The following PTPRO variants were observed in gnomAD, a reference collection of about 807,000 sequenced individuals.
The protein encoded by PTPRO is receptor-type tyrosine-protein phosphatase O.
In PTPRO, 62 loss-of-function variants were observed where a neutral mutation model predicts 145.2. The observed-to-expected ratio is 0.43, with a 90% CI of 0.35 to 0.53. The LOEUF is 0.53. PTPRO is among the 20% of genes least tolerant of loss of function. The probability of loss-of-function intolerance (pLI) is 0.01; values close to 1 mark genes in which losing one functional copy is unlikely to be tolerated. For synonymous variants in PTPRO, 565 were observed against 514.7 expected, an observed-to-expected ratio of 1.10 and a Z score of -1.32; for missense variants, 1,345 against 1,482.7, an observed-to-expected ratio of 0.91 and a Z score of 1.53.
At chr12:15,371,243 T>C (rs1412303035) in intron 1 of PTPRO, among the ~76,000 whole-genome samples, 1 of 152,020 alleles carries the variant, frequency 6.6e-6, no homozygotes, top group Non-Finnish European at 1.5e-5. Flanking sequence ...CACTATTTTT[T>C]TTTTTTTTAG....
intron 1 of PTPRO, among the ~76,000 whole-genome samples, chr12:15,342,109 T>C (rs951478432): frequency 6.6e-6 from 1 of 152,240 alleles, no homozygotes; most frequent in Non-Finnish European, 1.5e-5. Context: ...AAGCCTTTAA[T>C]TAACACGGTA....
intron 1 of PTPRO, among the ~76,000 whole-genome samples, chr12:15,478,836 T>C (rs1941715683): frequency 2.6e-5 from 4 of 151,900 alleles, no homozygotes; most frequent in Admixed American, 2.6e-4. Context: ...CACGCCCGGG[T>C]AATTTTTTGT....
At chr12:15,420,613 T>C (rs573516815) in intron 1 of PTPRO, among the ~76,000 whole-genome samples, 4 of 150,170 alleles carry the variant, frequency 2.7e-5, no homozygotes, top group African/African-American at 2.5e-5. Context: ...AAATACTATA[T>C]GTAAATTATT....
At chr12:15,433,350 T>C (rs1359538799) in intron 1 of PTPRO, among the ~76,000 whole-genome samples, 2 of 152,006 alleles carry the variant, frequency 1.3e-5, no homozygotes, top group African/African-American at 2.4e-5. Flanking sequence ...TAACTTTTTG[T>C]ATTTGTATTT....
At chr12:15,477,863 T>C (rs551431962) in intron 1 of PTPRO, among the ~76,000 whole-genome samples, 28 of 152,292 alleles carry the variant, frequency 1.8e-4, no homozygotes, top group Admixed American at 8.5e-4. Context: ...GCCTGGAACC[T>C]CTGGGTGCAT....
chr12:15,572,962 T>C (rs1944092793), intron 19 of PTPRO, among the ~76,000 whole-genome samples: 1 of 152,210 alleles, frequency 6.6e-6, no homozygotes, highest in African/African-American at 2.4e-5. Flanking sequence ...TAGAGAATTG[T>C]CCTAGGCCGA....
At chr12:15,468,480 A>C (rs1941466872) in intron 1 of PTPRO, among the ~76,000 whole-genome samples, 1 of 152,062 alleles carries the variant, frequency 6.6e-6, no homozygotes. Flanking sequence ...CTTCACATTC[A>C]CTGTCCTTAG....
Position 15,549,121 on chromosome 12 carries a change from G to A in PTPRO, c.2332G>A (p.Val778Met), listed in dbSNP as rs754077483. The A allele has an allele frequency of 9.3e-6, 15 of 1,613,200 alleles. No individual in the cohort carries two copies. Among genetic ancestry groups the A allele is most frequent in the South Asian group, 4.4e-5 (4 of 91,022 alleles). Residue 778 changes from valine to methionine, a missense_variant, in exon 14 of 27, where the codon GTG (valine) becomes ATG (methionine). By Grantham distance (21) the Val-to-Met change is conservative. Coordinates refer to ENST00000281171, the MANE Select transcript of PTPRO (RefSeq NM_030667.3). ...QEPVAVSSHV[V>M]TISSLLPATA... ...ACCAGTTGCTGTTTCTTCCCATGTC[G>A]TGACCATCTCCAGCCTTCTTCCTGC...
chr12:15,495,526 T>C (rs999117536), intron 2 of PTPRO, among the ~76,000 whole-genome samples: 19 of 151,954 alleles, frequency 1.3e-4, no homozygotes, highest in Non-Finnish European at 2.2e-4. Flanking sequence ...TGTCCAAGAA[T>C]TCTCTCAATT....
intron 3 of PTPRO, 111 bp from the exon 4 acceptor site, chr12:15,499,331 T>C (rs1170923852): frequency 1.8e-6 from 2 of 1,119,688 alleles, no homozygotes; most frequent in African/African-American, 3.1e-5. Flanking sequence ...ATAACAGTAG[T>C]TGAAGGAAAT....
intron 2 of PTPRO, among the ~76,000 whole-genome samples, chr12:15,484,753 C>T (rs1941852034): frequency 1.3e-5 from 2 of 152,028 alleles, no homozygotes; most frequent in Non-Finnish European, 2.9e-5. Context: ...TTGCCTTCTA[C>T]TTCTTAAGAA....
chr12:15,408,562 G>A (rs898162246), intron 1 of PTPRO, among the ~76,000 whole-genome samples: 5 of 151,934 alleles, frequency 3.3e-5, no homozygotes, highest in Admixed American at 2.6e-4. Flanking sequence ...TGAGTAGCTG[G>A]GACTACAGGC....
At position 15,322,901 on chromosome 12, in the gene PTPRO, A is replaced by G. The variant is rs1866341715; in HGVS notation, c.75+100A>G. 6 of 1,227,042 alleles carry G rather than the reference A, an allele frequency of 4.9e-6. No homozygotes were observed. Among genetic ancestry groups the G allele is most frequent in the Non-Finnish European group, 6.9e-6 (6 of 873,014 alleles). 76.0% of individuals were successfully genotyped at this position (1,227,042 alleles called of 1,614,324 possible). A position where few individuals can be genotyped will look rare whatever the true frequency, so the allele number is the denominator to read the frequency against. On this transcript the variant is annotated intron_variant, in intron 1 of 26. Transcript: ENST00000281171. This position sits in a 1 kb window ranked among gnomAD's most constrained non-coding sequence, Gnocchi z 6.3. ...TGGGAGCGGCGCGCCCCAGGGCACGATGGCCCAGCCGCGGGAAGCGCCTGC... is the reference window on the plus strand; with the variant it reads ...TGGGAGCGGCGCGCCCCAGGGCACGGTGGCCCAGCCGCGGGAAGCGCCTGC...
At chr12:15,425,660 A>C (rs1035918913) in intron 1 of PTPRO, among the ~76,000 whole-genome samples, 18 of 152,146 alleles carry the variant, frequency 1.2e-4, no homozygotes, top group Non-Finnish European at 2.5e-4. Context: ...ACCTTCTCAA[A>C]TGTTACATTA....
At chr12:15,333,798 CT>C (rs546170928) in intron 1 of PTPRO, among the ~76,000 whole-genome samples, 4 of 151,938 alleles carry the variant, frequency 2.6e-5, no homozygotes, top group East Asian at 1.9e-4. Context: ...GTTCCTGACC[CT>C]TTTTTTTCTC....
intron 1 of PTPRO, among the ~76,000 whole-genome samples, chr12:15,469,278 A>G (rs1289505152): frequency 6.6e-6 from 1 of 152,220 alleles, no homozygotes; most frequent in Non-Finnish European, 1.5e-5. Flanking sequence ...GAAAAGAAGG[A>G]TGGAAAATAA....
chr12:15,448,355 A>AAAAAAAAAAAAAAAAAAAAAAAAC (rs1940959851), intron 1 of PTPRO, among the ~76,000 whole-genome samples: 1 of 149,046 alleles, frequency 6.7e-6, no homozygotes. Context: ...AAAAAAAAAA[A>AAAAAAAAAAAAAAAAAAAAAAAAC]AAAAAGCACC....
At chr12:15,417,742 G>GA (rs1354515464) in intron 1 of PTPRO, among the ~76,000 whole-genome samples, 2 of 151,740 alleles carry the variant, frequency 1.3e-5, no homozygotes, top group Admixed American at 1.3e-4. Flanking sequence ...GTGACTAAAG[G>GA]AATGATCTCA....
At chr12:15,395,091 T>G (rs1213381108) in intron 1 of PTPRO, among the ~76,000 whole-genome samples, 1 of 152,122 alleles carries the variant, frequency 6.6e-6, no homozygotes, top group African/African-American at 2.4e-5. Flanking sequence ...AAAGAAGTGC[T>G]CACCAATGTG....
Sources: allele counts gnomAD v4.1 joint callset (sites outside exome capture counted in the v4.1 genomes callset), GRCh38; gene constraint gnomAD v4.1.1; non-coding constraint Gnocchi (gnomAD v3.1); transcripts MANE v1.5; gene names NCBI Gene and HGNC (gene_info 2026-07-23, HGNC 2026-07-21).